PLA2G12A: variants seen among roughly 807,000 people sequenced by gnomAD.
PLA2G12A encodes the protein phospholipase A2 group XIIA.
A neutral mutation model predicts 16.0 loss-of-function variants in PLA2G12A; 11 were observed. The observed-to-expected ratio is 0.69, with a 90% CI of 0.43 to 1.13. The LOEUF (loss-of-function observed/expected upper bound fraction) is 1.13, where lower values mean the gene tolerates loss of function less well. PLA2G12A is among the 50% of genes most tolerant of loss of function. PLA2G12A has a pLI of 0.00. For synonymous variants in PLA2G12A, 77 were observed against 93.8 expected (o/e 0.82, Z 1.03); for missense variants, 214 against 237.3 (o/e 0.90, Z 0.65).
chr4:109,716,267 A>G (rs909239236), intron 3 of PLA2G12A, among the ~76,000 whole-genome samples: 1 of 152,228 alleles, frequency 6.6e-6, no homozygotes, highest in African/African-American at 2.4e-5. Context: ...ATATGAGACT[A>G]TTTGGAGAAT....
intron 1 of PLA2G12A, among the ~76,000 whole-genome samples, chr4:109,725,579 C>T (rs1253431432): frequency 6.6e-6 from 1 of 152,216 alleles, no homozygotes; most frequent in Non-Finnish European, 1.5e-5. Context: ...AAACCAAATC[C>T]ACTGTGTACA....
chr4:109,716,721 T>C (rs1730834801), intron 3 of PLA2G12A, among the ~76,000 whole-genome samples: 1 of 152,190 alleles, frequency 6.6e-6, no homozygotes, highest in South Asian at 2.1e-4. Flanking sequence ...CTCATGGCAG[T>C]GAGTACAACT....
chr4:109,719,483 A>G (rs1306264193), intron 1 of PLA2G12A, among the ~76,000 whole-genome samples: 5 of 152,224 alleles, frequency 3.3e-5, no homozygotes, highest in Non-Finnish European at 7.3e-5. Flanking sequence ...TTGGAAGGCT[A>G]ATGTTCCCCA....
intron 1 of PLA2G12A, among the ~76,000 whole-genome samples, chr4:109,728,022 T>C (rs1002782218): frequency 6.6e-6 from 1 of 152,226 alleles, no homozygotes; most frequent in Non-Finnish European, 1.5e-5. Flanking sequence ...TTGACTGGCC[T>C]TTCTCCTCAG....
rs754586959 is a variant in PLA2G12A at position 109,729,745 on chromosome 4, C to A, written c.65G>T (p.Cys22Phe). The change falls in exon 1 of 4, where the codon TGC (cysteine) becomes TTC (phenylalanine). Residue 22 changes from cysteine (C) to phenylalanine (F), a missense_variant. Coordinates refer to ENST00000243501, the MANE Select transcript of PLA2G12A (RefSeq NM_030821.5). ...GTCGGTGGTCTGGGCCTGCTCCTGGCACCTGACAACAGCGGCCATGAGGAG... is the reference window on the plus strand; with the variant it reads ...GTCGGTGGTCTGGGCCTGCTCCTGGAACCTGACAACAGCGGCCATGAGGAG... Reference protein sequence around the residue: ...LLLLMAAVVRCQEQAQTTDWR... With the variant: ...LLLLMAAVVRFQEQAQTTDWR... 6.3e-7 allele frequency: 1 copy of A among 1,590,660 alleles called. No individual in the cohort carries two copies. The highest frequency in any genetic ancestry group is 1.1e-5 in the South Asian group (1 of 88,218).
chr4:109,726,098 T>C (rs954057990), intron 1 of PLA2G12A, among the ~76,000 whole-genome samples: 4 of 152,178 alleles, frequency 2.6e-5, no homozygotes, highest in Non-Finnish European at 4.4e-5. Context: ...CCAGTGCTCA[T>C]ATCCTCTACC....
At position 109,714,068 on chromosome 4, in the gene PLA2G12A, G is replaced by T; in HGVS notation, c.*309C>A. The T allele has an allele frequency of 4.3e-6, 1 of 234,938 alleles. No individual in the cohort carries two copies. The highest frequency in any genetic ancestry group is 8.5e-5 in the East Asian group (1 of 11,802). 14.6% of individuals were successfully genotyped at this position (234,938 alleles called of 1,614,324 possible). A position where few individuals can be genotyped will look rare whatever the true frequency, so the allele number is the denominator to read the frequency against. ...TTTGGTAAATGTGGTTGTGAAAATT[G>T]AGTTATATATTCCTCTTTTCAAAAT... On this transcript the variant is annotated 3_prime_UTR_variant, in exon 4 of 4. Transcript: ENST00000243501.
intron 1 of PLA2G12A, among the ~76,000 whole-genome samples, chr4:109,722,470 T>C (rs913724324): frequency 5.3e-5 from 8 of 152,234 alleles, no homozygotes; most frequent in Admixed American, 3.3e-4. Flanking sequence ...TGAATGGAAT[T>C]TGTGCCCTAT....
At chr4:109,717,249 T>G (rs1213744044) in intron 3 of PLA2G12A, among the ~76,000 whole-genome samples, 2 of 152,176 alleles carry the variant, frequency 1.3e-5, no homozygotes, top group Non-Finnish European at 2.9e-5. Context: ...CTTTAGCTAC[T>G]TTAGGTTCTT....
At chr4:109,722,950 A>G (rs1722836718) in intron 1 of PLA2G12A, among the ~76,000 whole-genome samples, 1 of 152,212 alleles carries the variant, frequency 6.6e-6, no homozygotes. Context: ...GGCTTGGAAT[A>G]TTCATTATAA....
At chr4:109,728,328 A>T (rs1722979388) in intron 1 of PLA2G12A, among the ~76,000 whole-genome samples, 1 of 152,232 alleles carries the variant, frequency 6.6e-6, no homozygotes, top group Admixed American at 6.5e-5. Flanking sequence ...CTGAATCTCA[A>T]ATTAGAACAA....
Position 109,729,987 on chromosome 4 carries a change from G to A in PLA2G12A, c.-178C>T, listed in dbSNP as rs774144516. The A allele has an allele frequency of 8.1e-4, 465 of 570,812 alleles. 1 individual carries two copies. The highest frequency in any genetic ancestry group is 3.4e-4 in the Non-Finnish European group (116 of 341,530). 35.4% of individuals were successfully genotyped at this position (570,812 alleles called of 1,614,324 possible). A position where few individuals can be genotyped will look rare whatever the true frequency, so the allele number is the denominator to read the frequency against. On this transcript the variant is annotated 5_prime_UTR_variant, in exon 1 of 4. Transcript: ENST00000243501. ...TCGCTGTCTTTACGTGAACCGCCTC[G>A]GGCAGGCAGCGCCGTCGCGGGGACG...
chr4:109,715,942 T>C (rs997722097), intron 3 of PLA2G12A, among the ~76,000 whole-genome samples: 8 of 152,238 alleles, frequency 5.3e-5, no homozygotes, highest in African/African-American at 1.9e-4. Flanking sequence ...TTTCAAAATA[T>C]TCATGTTAAG....
intron 1 of PLA2G12A, among the ~76,000 whole-genome samples, chr4:109,723,440 A>G (rs1434538673): frequency 6.6e-6 from 1 of 152,196 alleles, no homozygotes; most frequent in Non-Finnish European, 1.5e-5. Flanking sequence ...TAAGATGCAG[A>G]TATTAATCAG....
At chr4:109,718,161 T>C (rs142550090) in intron 2 of PLA2G12A, among the ~76,000 whole-genome samples, 212 of 152,266 alleles carry the variant, frequency 1.4e-3, no homozygotes, top group African/African-American at 4.9e-3. Context: ...ACAACTCAAA[T>C]TTTTTTGTTT....
chr4:109,718,561 G>C (rs555608671), intron 2 of PLA2G12A, 122 bp downstream of exon 2: 1 of 704,102 alleles, frequency 1.4e-6, no homozygotes, highest in East Asian at 3.1e-5. Context: ...TAATAAACCT[G>C]ATCACTCTTA....
chr4:109,718,057 C>T (rs930228770), intron 2 of PLA2G12A, among the ~76,000 whole-genome samples: 1 of 152,142 alleles, frequency 6.6e-6, no homozygotes, highest in African/African-American at 2.4e-5. Flanking sequence ...TCTCCAGGGG[C>T]TAGGTAAGTA....
At chr4:109,717,943 G>A (rs529694076) in intron 2 of PLA2G12A, among the ~76,000 whole-genome samples, 25 of 152,202 alleles carry the variant, frequency 1.6e-4, no homozygotes, top group Admixed American at 8.5e-4. Flanking sequence ...ATTCTGCAGC[G>A]TTAGAACACT....
chr4:109,723,921 G>A (rs1051923219), intron 1 of PLA2G12A, among the ~76,000 whole-genome samples: 2 of 152,106 alleles, frequency 1.3e-5, no homozygotes, highest in African/African-American at 4.8e-5. Flanking sequence ...AAAACATATT[G>A]AGTGTGTCAT....
Sources: allele counts gnomAD v4.1 joint callset (sites outside exome capture counted in the v4.1 genomes callset), GRCh38; gene constraint gnomAD v4.1.1; transcripts MANE v1.5; gene names NCBI Gene and HGNC (gene_info 2026-07-23, HGNC 2026-07-21).